FCRL2: variants seen among roughly 807,000 people sequenced by gnomAD.
The protein encoded by FCRL2 is Fc receptor-like protein 2.
In FCRL2, 48 loss-of-function variants were observed where a neutral mutation model predicts 59.8. The observed-to-expected ratio is 0.80, with a 90% confidence interval of 0.64 to 1.02. The LOEUF (loss-of-function observed/expected upper bound fraction) is 1.02. FCRL2 is among the 50% of genes least tolerant of loss of function. The pLI, the probability that FCRL2 is intolerant of heterozygous loss-of-function variation, is 0.00. For missense variants in FCRL2, 658 were observed against 597.3 expected (o/e 1.10, Z -1.06); for synonymous variants, 251 against 229.5 (o/e 1.09, Z -0.85).
At chr1:157,774,589 G>A in intron 2 of FCRL2, 1 of 397,850 alleles carries the variant, frequency 2.5e-6, no homozygotes, top group Non-Finnish European at 4.9e-6. Context: ...TCACTTCAGG[G>A]AGCCTGCTGT....
chr1:157,772,164 G>A (rs930382989), intron 2 of FCRL2, among the ~76,000 whole-genome samples: 3 of 150,714 alleles, frequency 2.0e-5, no homozygotes, highest in Non-Finnish European at 4.4e-5. Context: ...TCGGAATCAA[G>A]CCAACTTTTA....
intron 7 of FCRL2, among the ~76,000 whole-genome samples, chr1:157,764,232 T>TG (rs929556970): frequency 2.8e-5 from 4 of 144,900 alleles, no homozygotes; most frequent in Non-Finnish European, 6.0e-5. Flanking sequence ...TAAATAATGG[T>TG]GAAAAAAAAA....
rs779814367 is a variant in FCRL2, at chr1:157,746,911, AAAGT to A, written c.1460-16_1460-13del. The A allele has an allele frequency of 9.3e-6, 15 of 1,612,676 alleles. No homozygotes were observed. In the South Asian group the frequency reaches 1.6e-4, roughly 18 times the overall value. ...TGTCCTGATGTTTGCTGTTAAGGAAAAAGTAATAGTTCTGAGCTCTTGCATTCTT... is the reference window on the plus strand; with the variant it reads ...TGTCCTGATGTTTGCTGTTAAGGAAAAATAGTTCTGAGCTCTTGCATTCTT... On this transcript the variant is annotated splice_polypyrimidine_tract_variant and intron_variant, in intron 10 of 11. Coordinates refer to ENST00000361516, the MANE Select transcript of FCRL2 (RefSeq NM_030764.4).
At chr1:157,748,238 C>T (rs561817880) in intron 10 of FCRL2, among the ~76,000 whole-genome samples, 1 of 152,174 alleles carries the variant, frequency 6.6e-6, no homozygotes, top group East Asian at 1.9e-4. Flanking sequence ...TGGTGAAACC[C>T]TGTCTCTACT....
In FCRL2 at chr1:157,745,808, A is replaced by C. The variant is rs1404749622; in HGVS notation, c.*928T>G. ...TTTATTGCAAATACTCATATTTACTATGTCAAAAATCACATTTTTGCAACT... is the reference window on the plus strand; with the variant it reads ...TTTATTGCAAATACTCATATTTACTCTGTCAAAAATCACATTTTTGCAACT... On this transcript the variant is annotated 3_prime_UTR_variant, in exon 12 of 12. Coordinates refer to ENST00000361516, the MANE Select transcript of FCRL2 (RefSeq NM_030764.4). The C allele has an allele frequency of 6.6e-6, 1 of 152,236 alleles. No homozygotes were observed. Among genetic ancestry groups the C allele is most frequent in the Non-Finnish European group, 1.5e-5 (1 of 68,038 alleles). The allele number at this position is 152,236 out of a possible 1,614,324, so 9.4% of individuals were successfully genotyped here.
At position 157,775,812 on chromosome 1, in the gene FCRL2, A is replaced by G. The variant is rs1214908193; in HGVS notation, c.32-17T>C. On this transcript the variant is annotated splice_polypyrimidine_tract_variant and intron_variant, in intron 1 of 11. Coordinates refer to ENST00000361516, the MANE Select transcript of FCRL2 (RefSeq NM_030764.4). ...TGACTGCATCTGTGAGGAGATCAAA[A>G]GCCAGAGATTAGCACACAGCATTTG... The G allele has an allele frequency of 6.2e-6, 10 of 1,613,902 alleles. No individual in the cohort carries two copies. Among genetic ancestry groups the G allele is most frequent in the Admixed American group, 3.3e-5 (2 of 60,028 alleles).
At chr1:157,747,305 ACT>A (rs141875515) in intron 10 of FCRL2, among the ~76,000 whole-genome samples, 1,741 of 152,274 alleles carry the variant, frequency 0.011, 33 homozygotes, top group African/African-American at 0.04. Context: ...CAGAAGACAG[ACT>A]CTGAATCACA....
At chr1:157,770,188 C>T in intron 3 of FCRL2, 38 bp from the exon 4 acceptor site, 2 of 1,597,264 alleles carry the variant, frequency 1.3e-6, no homozygotes, top group Non-Finnish European at 1.7e-6. Context: ...AAAGCAGTGA[C>T]AGCTAAGATT....
chr1:157,757,623 C>T (rs1255911329), intron 7 of FCRL2, among the ~76,000 whole-genome samples: 2 of 152,214 alleles, frequency 1.3e-5, no homozygotes, highest in Admixed American at 1.3e-4. Context: ...ATTTATCTTG[C>T]TGGCATCTTA....
rs1321317324 is a variant in FCRL2 at position 157,746,152 on chromosome 1, C to G, written c.*584G>C. 1 of 152,678 alleles carries G rather than the reference C, an allele frequency of 6.5e-6. No homozygotes were observed. The highest frequency in any genetic ancestry group is 1.5e-5 in the Non-Finnish European group (1 of 68,460). The allele number at this position is 152,678 out of a possible 1,614,324, so 9.5% of individuals were successfully genotyped here. A position where few individuals can be genotyped will look rare whatever the true frequency, so the allele number is the denominator to read the frequency against. On this transcript the variant is annotated 3_prime_UTR_variant, in exon 12 of 12. Coordinates refer to ENST00000361516, the MANE Select transcript of FCRL2 (RefSeq NM_030764.4). ...CAGATGGATTCATAGCTGAATTCTA[C>G]AAGATGCAGAAAGAATAACTGGTAC...
At chr1:157,762,353 C>G (rs1198205590) in intron 7 of FCRL2, among the ~76,000 whole-genome samples, 1 of 152,200 alleles carries the variant, frequency 6.6e-6, no homozygotes, top group Non-Finnish European at 1.5e-5. Flanking sequence ...GCTGGCTGCC[C>G]AGGGGCCTGA....
At chr1:157,772,365 C>CA (rs1650089650) in intron 2 of FCRL2, among the ~76,000 whole-genome samples, 1 of 152,128 alleles carries the variant, frequency 6.6e-6, no homozygotes, top group South Asian at 2.1e-4. Context: ...CCTCACACTG[C>CA]ATGGTAAGAG....
rs57160445 is a variant in FCRL2 at position 157,766,011 on chromosome 1, C to T, written c.1279+844G>A. Among the ~76,000 whole-genome samples the T allele has an allele frequency of 8.4e-3, 1,273 of 152,274 alleles. 13 individuals carry two copies. The highest frequency in any genetic ancestry group is 0.028 in the African/African-American group (1,181 of 41,536). On this transcript the variant is annotated intron_variant, in intron 7 of 11. Coordinates refer to ENST00000361516, the MANE Select transcript of FCRL2 (RefSeq NM_030764.4). ...TATATGTGCTCTAGTTGACTCTCAG[C>T]TGAAACTGCAAACTATGGCCAGCAT...
chr1:157,775,686 G>T, intron 2 of FCRL2, 89 bp downstream of exon 2: 1 of 1,449,994 alleles, frequency 6.9e-7, no homozygotes, highest in Non-Finnish European at 9.6e-7. Context: ...ATCTTCACAG[G>T]CTTTCCAGAG....
At chr1:157,747,980 C>T (rs146921589) in intron 10 of FCRL2, among the ~76,000 whole-genome samples, 1 of 152,290 alleles carries the variant, frequency 6.6e-6, no homozygotes, top group African/African-American at 2.4e-5. Context: ...CCCTGACTAT[C>T]TAACCCGATT....
chr1:157,761,818 G>T (rs1649121772), intron 7 of FCRL2, among the ~76,000 whole-genome samples: 1 of 152,104 alleles, frequency 6.6e-6, no homozygotes, highest in South Asian at 2.1e-4. Context: ...TAGTCATGCT[G>T]AAAATGCCAA....
chr1:157,757,341 C>A (rs1648670861), intron 7 of FCRL2, among the ~76,000 whole-genome samples: 1 of 152,134 alleles, frequency 6.6e-6, no homozygotes, highest in African/African-American at 2.4e-5. Flanking sequence ...TAAGTGAGAT[C>A]ATAAGGGTGG....
At chr1:157,762,026 G>C (rs1265122753) in intron 7 of FCRL2, among the ~76,000 whole-genome samples, 2 of 152,188 alleles carry the variant, frequency 1.3e-5, no homozygotes, top group African/African-American at 4.8e-5. Flanking sequence ...AGAGAGCAGA[G>C]AGGATCAGGG....
chr1:157,756,714 C>G (rs1010938842), intron 7 of FCRL2, among the ~76,000 whole-genome samples: 9 of 150,048 alleles, frequency 6.0e-5, no homozygotes, highest in Admixed American at 5.3e-4. Context: ...ATCTGAAGGT[C>G]AAAGCCATGA....
Sources: allele counts gnomAD v4.1 joint callset (sites outside exome capture counted in the v4.1 genomes callset), GRCh38; gene constraint gnomAD v4.1.1; transcripts MANE v1.5; gene names NCBI Gene and HGNC (gene_info 2026-07-23, HGNC 2026-07-21).